The following ELOVL2 variants were observed in gnomAD, a reference collection of about 807,000 sequenced individuals.
ELOVL2 encodes ELOVL fatty acid elongase 2.
A neutral mutation model predicts 37.7 loss-of-function variants in ELOVL2; 38 were observed. The ratio of observed to expected loss-of-function variants is 1.01; its 90% confidence interval spans 0.78 to 1.32. ELOVL2 has a LOEUF of 1.32. ELOVL2 is among the 40% of genes most tolerant of loss of function. The pLI, the probability that ELOVL2 is intolerant of heterozygous loss-of-function variation, is 0.00. For synonymous variants in ELOVL2, 115 were observed against 122.3 expected (o/e 0.94, Z 0.40); for missense variants, 352 against 363.6 (o/e 0.97, Z 0.26).
At chr6:11,037,561 T>C (rs1482423026) in intron 1 of ELOVL2, among the ~76,000 whole-genome samples, 1 of 148,728 alleles carries the variant, frequency 6.7e-6, no homozygotes, top group Non-Finnish European at 1.5e-5. Context: ...AAAAAAGTGA[T>C]GGCCTTACTT....
chr6:10,992,820 CAG>C (rs1330437877), intron 5 of ELOVL2, among the ~76,000 whole-genome samples: 2 of 148,588 alleles, frequency 1.3e-5, no homozygotes, highest in African/African-American at 4.9e-5. Flanking sequence ...CAAAAAAAAA[CAG>C]GATTAAAAAA....
intron 4 of ELOVL2, among the ~76,000 whole-genome samples, chr6:10,997,860 A>T (rs1250247760): frequency 6.6e-6 from 1 of 152,160 alleles, no homozygotes; most frequent in Non-Finnish European, 1.5e-5. Flanking sequence ...ATTTTCACCG[A>T]ATAGTTTTAC....
intron 1 of ELOVL2, among the ~76,000 whole-genome samples, chr6:11,040,965 G>A (rs889849846): frequency 6.6e-6 from 1 of 152,106 alleles, no homozygotes; most frequent in African/African-American, 2.4e-5. Context: ...TTATTAAATG[G>A]TTAGATTTAA....
chr6:11,020,115 A>G (rs958754548), intron 1 of ELOVL2, among the ~76,000 whole-genome samples: 1 of 152,236 alleles, frequency 6.6e-6, no homozygotes, highest in African/African-American at 2.4e-5. Context: ...CTACAACTAA[A>G]AACTAAAGAA....
At position 10,996,627 on chromosome 6, in the gene ELOVL2, G is replaced by A. The variant is rs542044401; in HGVS notation, c.334-1449C>T. Among the ~76,000 whole-genome samples, 126 of 151,108 alleles carry A rather than the reference G, an allele frequency of 8.3e-4. 1 individual carries two copies. The highest frequency in any genetic ancestry group is 2.9e-3 in the African/African-American group (118 of 41,016). On this transcript the variant is annotated intron_variant, in intron 4 of 7. Transcript: ENST00000354666. The stretch of plus-strand genomic sequence containing the variant: ...GGAGCTTGCAGTGAACCGAGATCAC[G>A]CCACTGCACTCCGGCCTGGGGGAGA...
chr6:11,020,964 C>T (rs1225782471), intron 1 of ELOVL2, among the ~76,000 whole-genome samples: 1 of 152,164 alleles, frequency 6.6e-6, no homozygotes, highest in Non-Finnish European at 1.5e-5. Context: ...GATGTATACA[C>T]TATGCATCTT....
chr6:11,014,924 A>C lies in ELOVL2; in HGVS notation c.4-4115T>G, dbSNP rs932905598. Among the ~76,000 whole-genome samples the C allele has an allele frequency of 6.6e-5, 10 of 152,266 alleles. No individual in the cohort carries two copies. In the East Asian group the frequency reaches 1.9e-3, roughly 29 times the overall value. Reference sequence around the variant, plus strand: ...CACCCCCATGCAAAGACTTGAACGCAAATATTCATAGCAATTTTATTTGTA... The same window carrying C: ...CACCCCCATGCAAAGACTTGAACGCCAATATTCATAGCAATTTTATTTGTA... On this transcript the variant is annotated intron_variant, in intron 1 of 7. Coordinates refer to ENST00000354666, the MANE Select transcript of ELOVL2 (RefSeq NM_017770.4).
chr6:10,994,334 G>C (rs578051348), intron 5 of ELOVL2, among the ~76,000 whole-genome samples: 3 of 151,960 alleles, frequency 2.0e-5, no homozygotes, highest in South Asian at 2.1e-4. Context: ...TGGGCGTGGT[G>C]GTGGGCGCCT....
intron 1 of ELOVL2, among the ~76,000 whole-genome samples, chr6:11,038,247 T>C (rs1252033877): frequency 6.6e-6 from 1 of 152,182 alleles, no homozygotes; most frequent in Non-Finnish European, 1.5e-5. Context: ...GATTAATAAA[T>C]GTAAAATAGT....
At chr6:11,006,763 A>G (rs1384160597) in intron 2 of ELOVL2, among the ~76,000 whole-genome samples, 2 of 152,212 alleles carry the variant, frequency 1.3e-5, no homozygotes, top group Non-Finnish European at 2.9e-5. Context: ...TCATGTGACT[A>G]ACAGATACCA....
In ELOVL2 at chr6:10,989,633, C is replaced by CT. The variant is rs375662859; in HGVS notation, c.765+69dup. On this transcript the variant is annotated intron_variant, in intron 7 of 7. Coordinates refer to ENST00000354666, the MANE Select transcript of ELOVL2 (RefSeq NM_017770.4). The stretch of plus-strand genomic sequence containing the variant: ...CAGCCTGGGCAATAAGAGCGAAACT[C>CT]TGTCTCCAAAAAAAAAAAAATAGTG... 213 of 1,491,136 alleles carry CT rather than the reference C, an allele frequency of 1.4e-4. No homozygotes were observed. The African/African-American group carries it at 2.3e-3, about 16-fold the overall frequency. 92.4% of individuals were successfully genotyped at this position (1,491,136 alleles called of 1,614,324 possible). A position where few individuals can be genotyped will look rare whatever the true frequency, so the allele number is the denominator to read the frequency against.
chr6:10,990,968 AAAG>A (rs2113475492), intron 5 of ELOVL2, among the ~76,000 whole-genome samples: 1 of 152,310 alleles, frequency 6.6e-6, no homozygotes, highest in Non-Finnish European at 1.5e-5. Context: ...GAGAAAGAAT[AAAG>A]GAGACAGAGA....
intron 1 of ELOVL2, among the ~76,000 whole-genome samples, chr6:11,014,005 A>G (rs1468433682): frequency 6.6e-6 from 1 of 151,956 alleles, no homozygotes; most frequent in Non-Finnish European, 1.5e-5. Context: ...TTCCAGAACA[A>G]CTCCTTGCCC....
intron 7 of ELOVL2, among the ~76,000 whole-genome samples, chr6:10,986,702 C>G (rs1782059210): frequency 1.3e-5 from 2 of 152,140 alleles, no homozygotes; most frequent in Non-Finnish European, 2.9e-5. Context: ...ATGAAGCCCA[C>G]TTGGTCATGG....
chr6:11,024,382 T>G (rs1252671899), intron 1 of ELOVL2, among the ~76,000 whole-genome samples: 1 of 152,206 alleles, frequency 6.6e-6, no homozygotes, highest in Non-Finnish European at 1.5e-5. Flanking sequence ...GATAAATCAT[T>G]TATATCCAAT....
chr6:11,033,311 C>A (rs1018145939), intron 1 of ELOVL2, among the ~76,000 whole-genome samples: 1 of 151,902 alleles, frequency 6.6e-6, no homozygotes, highest in Admixed American at 6.6e-5. Flanking sequence ...TCATTATTTC[C>A]AACACAATAC....
At chr6:11,038,154 A>C (rs1346026690) in intron 1 of ELOVL2, among the ~76,000 whole-genome samples, 1 of 152,234 alleles carries the variant, frequency 6.6e-6, no homozygotes, top group Admixed American at 6.5e-5. Context: ...ATGTTGCTAC[A>C]GGACTTGCCT....
chr6:10,984,045 T>A (rs1781994605), intron 7 of ELOVL2, 139 bp from the exon 8 acceptor site: 1 of 789,264 alleles, frequency 1.3e-6, no homozygotes, highest in East Asian at 2.9e-5. Flanking sequence ...TGAGGCAGAG[T>A]TTCAATCTGT....
chr6:11,011,431 C>T (rs1782582473), intron 1 of ELOVL2, among the ~76,000 whole-genome samples: 1 of 151,846 alleles, frequency 6.6e-6, no homozygotes, highest in African/African-American at 2.4e-5. Flanking sequence ...CTCTAAAATG[C>T]TTATAGGCAA....
Sources: gnomAD v4.1 joint callset for allele counts (sites outside exome capture counted in the v4.1 genomes callset) on GRCh38, gnomAD v4.1.1 for gene constraint, MANE v1.5 for transcripts, NCBI Gene and HGNC (gene_info 2026-07-23, HGNC 2026-07-21) for gene names.